DKK2: variants seen among roughly 807,000 people sequenced by gnomAD.
The protein encoded by DKK2 is dickkopf-related protein 2.
In DKK2, 11 loss-of-function variants were observed where a neutral mutation model predicts 28.1. That is an observed-to-expected ratio of 0.39 (90% CI 0.25 to 0.65). DKK2 has a LOEUF of 0.65. Ranked by LOEUF, DKK2 falls within the 30% of genes least tolerant of loss-of-function variation. DKK2 has a pLI of 0.47. For synonymous variants in DKK2, 135 were observed against 126.5 expected (o/e 1.07, Z -0.45); for missense variants, 326 against 335.5 (o/e 0.97, Z 0.22).
At chr4:106,978,219 A>T (rs1227148074) in intron 1 of DKK2, among the ~76,000 whole-genome samples, 2 of 152,120 alleles carry the variant, frequency 1.3e-5, no homozygotes, top group African/African-American at 4.8e-5. Context: ...CACGGGGCTC[A>T]GGGACCCACT....
intron 1 of DKK2, among the ~76,000 whole-genome samples, chr4:106,965,316 G>A (rs543556795): frequency 3.9e-5 from 6 of 152,070 alleles, no homozygotes; most frequent in East Asian, 3.9e-4. Flanking sequence ...ATTAGCCATC[G>A]TGTTTCAACT....
chr4:106,984,050 T>C (rs1723079526), intron 1 of DKK2, among the ~76,000 whole-genome samples: 3 of 152,232 alleles, frequency 2.0e-5, no homozygotes, highest in Admixed American at 2.0e-4. Context: ...AGTTTGTCAA[T>C]GTCTTAAAGA....
At chr4:107,019,821 A>G (rs925340718) in intron 1 of DKK2, among the ~76,000 whole-genome samples, 2 of 152,016 alleles carry the variant, frequency 1.3e-5, no homozygotes, top group African/African-American at 4.8e-5. Flanking sequence ...AATGTTTGCT[A>G]TTGAAACTTC....
chr4:106,966,433 C>T (rs1560582022), intron 1 of DKK2, among the ~76,000 whole-genome samples: 1 of 152,172 alleles, frequency 6.6e-6, no homozygotes, highest in Non-Finnish European at 1.5e-5. Context: ...AACCACTCTC[C>T]ATCTCTTCTA....
intron 1 of DKK2, among the ~76,000 whole-genome samples, chr4:106,966,344 A>G (rs1415034900): frequency 6.6e-6 from 1 of 152,178 alleles, no homozygotes; most frequent in Non-Finnish European, 1.5e-5. Flanking sequence ...TTGGAATCAG[A>G]CTTCAAGTTT....
At chr4:106,983,596 A>G (rs12640671) in intron 1 of DKK2, among the ~76,000 whole-genome samples, 25,770 of 152,186 alleles carry the variant, frequency 0.17, 2,613 homozygotes, top group East Asian at 0.42. Flanking sequence ...CCTGCCAAAA[A>G]ACATCGTAAA....
chr4:106,950,093 C>T (rs1724836709), intron 1 of DKK2, among the ~76,000 whole-genome samples: 1 of 152,116 alleles, frequency 6.6e-6, no homozygotes, highest in Non-Finnish European at 1.5e-5. Flanking sequence ...TCAAGAAGGT[C>T]TCAGTAGATA....
At chr4:106,975,599 T>A (rs897769150) in intron 1 of DKK2, among the ~76,000 whole-genome samples, 1 of 152,166 alleles carries the variant, frequency 6.6e-6, no homozygotes, top group Non-Finnish European at 1.5e-5. Flanking sequence ...CCTTTATCAT[T>A]TTTTATTATG....
Position 107,035,482 on chromosome 4 carries a change from G to T in DKK2, c.110C>A (p.Ser37Tyr). 1 of 1,614,204 alleles carries T rather than the reference G, an allele frequency of 6.2e-7. No homozygotes were observed. Among genetic ancestry groups the T allele is most frequent in the Non-Finnish European group, 8.5e-7 (1 of 1,180,044 alleles). ...CTCCCCGCCCAGAGAGGACTTGATG[G>T]AGTTGAGTTTGGCCCGCGAACTGCC... ...QIGSSRAKLN[S>Y]IKSSLGGETP... Residue 37 changes from serine (S) to tyrosine (Y), a missense_variant, in exon 1 of 4, where the codon TCC (serine) becomes TAC (tyrosine). Coordinates refer to ENST00000285311, the MANE Select transcript of DKK2 (RefSeq NM_014421.3).
intron 1 of DKK2, among the ~76,000 whole-genome samples, chr4:106,973,563 C>T (rs1302230437): frequency 6.6e-6 from 1 of 152,172 alleles, no homozygotes; most frequent in Non-Finnish European, 1.5e-5. Flanking sequence ...ATAACCTTCA[C>T]ACACTTTTTG....
intron 1 of DKK2, among the ~76,000 whole-genome samples, chr4:107,004,014 A>G (rs1245023725): frequency 6.6e-6 from 1 of 152,210 alleles, no homozygotes; most frequent in African/African-American, 2.4e-5. Flanking sequence ...ATGAAACAGT[A>G]TGGTCCAACA....
chr4:106,963,940 T>C (rs962751332), intron 1 of DKK2, among the ~76,000 whole-genome samples: 16 of 152,172 alleles, frequency 1.1e-4, no homozygotes, highest in African/African-American at 3.9e-4. Context: ...GAAGAGACTC[T>C]CCTTTCCCCA....
intron 1 of DKK2, among the ~76,000 whole-genome samples, chr4:107,017,659 A>G (rs376666286): frequency 2.6e-5 from 4 of 151,472 alleles, no homozygotes; most frequent in Non-Finnish European, 5.9e-5. Flanking sequence ...ACTTCAAAAC[A>G]TCTGGGCTCT....
chr4:106,947,205 G>A (rs1946980936), intron 1 of DKK2, among the ~76,000 whole-genome samples: 1 of 151,904 alleles, frequency 6.6e-6, no homozygotes, highest in Admixed American at 6.6e-5. Flanking sequence ...CCAGGTATAT[G>A]GAGTGCCTTG....
chr4:106,924,571 G>C lies in DKK2; in HGVS notation c.503C>G (p.Pro168Arg), dbSNP rs781718513. 5 of 1,613,556 alleles carry C rather than the reference G, an allele frequency of 3.1e-6. No homozygotes were observed. In the African/African-American group the frequency reaches 6.7e-5, roughly 22 times the overall value. ...TTTTATATGTGACATCTTAGTGTGT[G>C]GTCTTCCTAGATTCTGCCATCCCAA... Reference protein sequence around the residue: ...HDLGWQNLGRPHTKMSHIKGH... With the variant: ...HDLGWQNLGRRHTKMSHIKGH... The change falls in exon 3 of 4, where the codon CCA becomes CGA. Residue 168 changes from proline to arginine, a missense_variant. By Grantham distance (103) the Pro-to-Arg change is moderately radical. Coordinates refer to ENST00000285311, the MANE Select transcript of DKK2 (RefSeq NM_014421.3).
chr4:106,958,897 C>T (rs544906825), intron 1 of DKK2, among the ~76,000 whole-genome samples: 4 of 149,030 alleles, frequency 2.7e-5, no homozygotes, highest in Non-Finnish European at 6.0e-5. Flanking sequence ...AAAATCTTAA[C>T]TAAGCACAGC....
intron 1 of DKK2, among the ~76,000 whole-genome samples, chr4:106,993,356 G>A (rs1723230565): frequency 6.6e-6 from 1 of 152,166 alleles, no homozygotes; most frequent in Admixed American, 6.5e-5. Context: ...TCAATAAACG[G>A]AGGTTTCCCA....
chr4:106,946,827 T>C (rs1017727360), intron 1 of DKK2, among the ~76,000 whole-genome samples: 1 of 152,042 alleles, frequency 6.6e-6, no homozygotes, highest in Non-Finnish European at 1.5e-5. Context: ...ATGAGTTAAC[T>C]GGGCTTATAA....
At chr4:106,965,110 A>G (rs1481468950) in intron 1 of DKK2, among the ~76,000 whole-genome samples, 1 of 152,064 alleles carries the variant, frequency 6.6e-6, no homozygotes, top group Non-Finnish European at 1.5e-5. Flanking sequence ...TAAGAAATAT[A>G]TTTATCTTTG....
Sources: allele counts gnomAD v4.1 joint callset (sites outside exome capture counted in the v4.1 genomes callset), GRCh38; gene constraint gnomAD v4.1.1; transcripts MANE v1.5; gene names NCBI Gene and HGNC (gene_info 2026-07-23, HGNC 2026-07-21).